MBOAT1: variants seen among roughly 807,000 people sequenced by gnomAD.
The protein encoded by MBOAT1 is membrane bound glycerophospholipid O-acyltransferase 1, also known as membrane-bound glycerophospholipid O-acyltransferase 1.
Under a neutral mutation model 64.4 loss-of-function variants are expected in MBOAT1, and 67 were observed. That is an observed-to-expected ratio of 1.04 (90% CI 0.85 to 1.27). MBOAT1 has a LOEUF of 1.27. Among genes scored for constraint, MBOAT1 ranks in the 50% most tolerant of loss-of-function variants. The pLI, the probability that MBOAT1 is intolerant of heterozygous loss-of-function variation, is 0.00. For missense variants in MBOAT1, 563 were observed against 604.6 expected (o/e 0.93, Z 0.72); for synonymous variants, 229 against 218.9 (o/e 1.05, Z -0.41).
At position 20,105,602 on chromosome 6, in the gene MBOAT1, A is replaced by C. The variant is rs192682554; in HGVS notation, c.1362-3190T>G. On this transcript the variant is annotated intron_variant, in intron 12 of 12. Transcript: ENST00000324607. ...CAACATGGCAAAACCCCATCTCTAC[A>C]AAAATAAAAAAATTAGGCGGGTGCG... Among the ~76,000 whole-genome samples the C allele has an allele frequency of 3.8e-3, 581 of 152,230 alleles. 1 individual carries two copies. The highest frequency in any genetic ancestry group is 6.0e-3 in the Non-Finnish European group (406 of 67,992).
At chr6:20,206,068 A>G (rs1011864504) in intron 1 of MBOAT1, among the ~76,000 whole-genome samples, 2 of 151,916 alleles carry the variant, frequency 1.3e-5, no homozygotes, top group African/African-American at 4.8e-5. Context: ...GACCTTCTTC[A>G]CAAAGCCCAC....
At chr6:20,140,848 T>A (rs995947157) in intron 4 of MBOAT1, among the ~76,000 whole-genome samples, 1 of 152,220 alleles carries the variant, frequency 6.6e-6, no homozygotes, top group Non-Finnish European at 1.5e-5. Context: ...ACAACTGCAA[T>A]AAACAAGTTT....
At chr6:20,182,324 T>C (rs1402900017) in intron 1 of MBOAT1, among the ~76,000 whole-genome samples, 1 of 152,112 alleles carries the variant, frequency 6.6e-6, no homozygotes, top group Non-Finnish European at 1.5e-5. Context: ...ACAAGCTCCC[T>C]CCAGTCTCTT....
chr6:20,102,328 C>A lies in MBOAT1; in HGVS notation c.1446G>T (p.Arg482=), dbSNP rs146246889. The A allele has an allele frequency of 7.0e-5, 113 of 1,613,948 alleles. No individual in the cohort carries two copies. In the African/African-American group the frequency reaches 1.2e-3, roughly 18 times the overall value. ...PMKPQAHTQR[R]PQTLNSINKR... ...TATTAATAGAGTTCAGAGTCTGAGGCCGCCTTTGCGTATGAGCTTGTGGTT... is the reference window on the plus strand; with the variant it reads ...TATTAATAGAGTTCAGAGTCTGAGGACGCCTTTGCGTATGAGCTTGTGGTT... Residue 482 remains arginine (R), a synonymous_variant, in exon 13 of 13, where the codon CGG becomes CGT. Coordinates refer to ENST00000324607, the MANE Select transcript of MBOAT1 (RefSeq NM_001080480.3).
intron 3 of MBOAT1, among the ~76,000 whole-genome samples, chr6:20,145,227 A>G (rs1246744378): frequency 5.0e-5 from 2 of 40,272 alleles, no homozygotes; most frequent in Non-Finnish European, 1.5e-4. Context: ...GACCCCAGAG[A>G]GCACTCACTT....
chr6:20,191,337 T>C (rs1762794733), intron 1 of MBOAT1, among the ~76,000 whole-genome samples: 1 of 152,188 alleles, frequency 6.6e-6, no homozygotes, highest in Non-Finnish European at 1.5e-5. Context: ...ATCTATTGTT[T>C]ACAATTTACC....
chr6:20,125,889 G>A (rs532275817), intron 7 of MBOAT1: 2 of 437,324 alleles, frequency 4.6e-6, no homozygotes, highest in African/African-American at 2.0e-5. Flanking sequence ...CACTCCTTTC[G>A]TTAATTACAA....
chr6:20,202,973 C>G (rs1763164313), intron 1 of MBOAT1, among the ~76,000 whole-genome samples: 1 of 152,096 alleles, frequency 6.6e-6, no homozygotes, highest in Non-Finnish European at 1.5e-5. Context: ...GATTTTATCT[C>G]TTTAGATATA....
rs369542158 is a variant in MBOAT1 at position 20,184,482 on chromosome 6, C to T, written c.99+27654G>A. Reference sequence around the variant, plus strand: ...CGGACAATGACCCTTGGGAGTGGATCCTAGTCACTAAGCCAAGGTTCTGAC... The same window carrying T: ...CGGACAATGACCCTTGGGAGTGGATTCTAGTCACTAAGCCAAGGTTCTGAC... On this transcript the variant is annotated intron_variant, in intron 1 of 12. Transcript: ENST00000324607. Among the ~76,000 whole-genome samples, 175 of 152,126 alleles carry T rather than the reference C, an allele frequency of 1.2e-3. 1 individual carries two copies. Among genetic ancestry groups the T allele is most frequent in the South Asian group, 7.1e-3 (34 of 4,816 alleles).
chr6:20,122,446 T>C (rs886665634), intron 8 of MBOAT1, among the ~76,000 whole-genome samples: 4 of 152,156 alleles, frequency 2.6e-5, no homozygotes, highest in Admixed American at 1.3e-4. Context: ...AGAGTCAACG[T>C]CCTACCTTTT....
In MBOAT1 at chr6:20,147,591, A is replaced by G. The variant is rs185932596; in HGVS notation, c.324-3276T>C. Among the ~76,000 whole-genome samples, 5 of 151,820 alleles carry G rather than the reference A, an allele frequency of 3.3e-5. No homozygotes were observed. In the South Asian group the frequency reaches 8.3e-4, roughly 25 times the overall value. On this transcript the variant is annotated intron_variant, in intron 3 of 12. Coordinates refer to ENST00000324607, the MANE Select transcript of MBOAT1 (RefSeq NM_001080480.3). The stretch of plus-strand genomic sequence containing the variant: ...GAGGCAGAGGTTGCAGTGAGCCAAG[A>G]TTGCGCCATCGCACTCCAGACTGGG...
chr6:20,130,384 C>T (rs1760782859), intron 5 of MBOAT1, among the ~76,000 whole-genome samples: 1 of 152,046 alleles, frequency 6.6e-6, no homozygotes, highest in Non-Finnish European at 1.5e-5. Flanking sequence ...TATGGAGTCT[C>T]GCTCTGTCAC....
chr6:20,103,394 C>A (rs1455937176), intron 12 of MBOAT1, among the ~76,000 whole-genome samples: 2 of 151,964 alleles, frequency 1.3e-5, no homozygotes, highest in African/African-American at 4.8e-5. Context: ...ACCTGTACCA[C>A]GTTTTTGTTG....
chr6:20,116,583 T>C (rs1257256639), intron 9 of MBOAT1, among the ~76,000 whole-genome samples: 1 of 152,198 alleles, frequency 6.6e-6, no homozygotes, highest in East Asian at 1.9e-4. Context: ...TGTGAGTTTT[T>C]ATTTCAAAAC....
At chr6:20,107,951 G>A (rs1157789783) in intron 12 of MBOAT1, among the ~76,000 whole-genome samples, 3 of 152,156 alleles carry the variant, frequency 2.0e-5, no homozygotes, top group African/African-American at 7.2e-5. Context: ...GAGGACAAAA[G>A]GGCAAATGTT....
At position 20,113,745 on chromosome 6, in the gene MBOAT1, C is replaced by T. The variant is rs79994935; in HGVS notation, c.1077-737G>A. On this transcript the variant is annotated intron_variant, in intron 10 of 12. Transcript: ENST00000324607. ...CAAAACTCAGTCTATGAATTGCCAA[C>T]GGCACTCTAAGGAAGCCACCACCTG... 7.2e-3 allele frequency among the ~76,000 whole-genome samples: 1,087 copies of T among 151,326 alleles called. 14 individuals are homozygous for T. Among genetic ancestry groups the T allele is most frequent in the African/African-American group, 0.025 (1,025 of 41,268 alleles).
intron 1 of MBOAT1, among the ~76,000 whole-genome samples, chr6:20,165,136 C>A (rs747330490): frequency 2.6e-5 from 4 of 152,088 alleles, no homozygotes; most frequent in Non-Finnish European, 4.4e-5. Flanking sequence ...AGATTTAAAT[C>A]AGGCATAAAA....
rs573745244 is a variant in MBOAT1, at chr6:20,127,836, C to T, written c.530+863G>A. Among the ~76,000 whole-genome samples the T allele has an allele frequency of 6.6e-5, 10 of 152,192 alleles. No individual in the cohort carries two copies. The South Asian group carries it at 1.7e-3, about 25-fold the overall frequency. On this transcript the variant is annotated intron_variant, in intron 6 of 12. Coordinates refer to ENST00000324607, the MANE Select transcript of MBOAT1 (RefSeq NM_001080480.3). ...CTGAAACCATCCCCCCACCACCACC[C>T]GCAACCCTGGGTCTGTGGAAAAACT...
At chr6:20,144,364 C>T in intron 3 of MBOAT1, 49 bp from the exon 4 acceptor site, 1 of 1,150,028 alleles carries the variant, frequency 8.7e-7, no homozygotes, top group Non-Finnish European at 1.3e-6. Flanking sequence ...AGCAATAATG[C>T]ACTCAATTAA....
Sources: gnomAD v4.1 joint callset for allele counts (sites outside exome capture counted in the v4.1 genomes callset) on GRCh38, gnomAD v4.1.1 for gene constraint, MANE v1.5 for transcripts, NCBI Gene and HGNC (gene_info 2026-07-23, HGNC 2026-07-21) for gene names.